SEL1L2: variants seen among roughly 807,000 people sequenced by gnomAD.
SEL1L2 encodes SEL1L2 adaptor subunit of SYVN1 ubiquitin ligase.
Under a neutral mutation model 98.8 loss-of-function variants are expected in SEL1L2, and 89 were observed. The observed-to-expected ratio is 0.90, with a 90% confidence interval of 0.76 to 1.07. The LOEUF (loss-of-function observed/expected upper bound fraction) is 1.07, where lower values mean the gene tolerates loss of function less well. Among genes scored for constraint, SEL1L2 ranks in the 50% least tolerant of loss-of-function variants. The pLI, the probability that SEL1L2 is intolerant of heterozygous loss-of-function variation, is 0.00. For synonymous variants in SEL1L2, 262 were observed against 278.5 expected, an observed-to-expected ratio of 0.94 and a Z score of 0.59; for missense variants, 788 against 812.0, an observed-to-expected ratio of 0.97 and a Z score of 0.36.
At chr20:13,904,280 G>T (rs1177895952) in intron 5 of SEL1L2, among the ~76,000 whole-genome samples, 1 of 152,170 alleles carries the variant, frequency 6.6e-6, no homozygotes, top group Non-Finnish European at 1.5e-5. Flanking sequence ...TGTGATCCCA[G>T]CACTTTGGGA....
intron 3 of SEL1L2, among the ~76,000 whole-genome samples, chr20:13,921,113 C>T (rs1377000363): frequency 2.6e-5 from 4 of 152,050 alleles, no homozygotes; most frequent in Non-Finnish European, 5.9e-5. Context: ...ATGATTTTAC[C>T]ACCACAAATT....
chr20:13,883,220 CAA>C (rs1053161207), intron 10 of SEL1L2, among the ~76,000 whole-genome samples: 1 of 152,140 alleles, frequency 6.6e-6, no homozygotes, highest in Non-Finnish European at 1.5e-5. Context: ...TGCTTACCCG[CAA>C]AGAGTACCTG....
chr20:13,902,379 A>T (rs925280111), intron 5 of SEL1L2, among the ~76,000 whole-genome samples: 1 of 152,216 alleles, frequency 6.6e-6, no homozygotes, highest in Non-Finnish European at 1.5e-5. Context: ...GACTCCCTTG[A>T]TCAGTTTTCA....
chr20:13,898,846 G>C (rs1192007736), intron 5 of SEL1L2, among the ~76,000 whole-genome samples: 5 of 152,158 alleles, frequency 3.3e-5, no homozygotes, highest in Non-Finnish European at 5.9e-5. Context: ...GGGTTCAAGA[G>C]ATTCTCCTGC....
chr20:13,875,110 G>A (rs995147209), intron 12 of SEL1L2, among the ~76,000 whole-genome samples: 1 of 152,132 alleles, frequency 6.6e-6, no homozygotes, highest in African/African-American at 2.4e-5. Context: ...ATTCTGTCTG[G>A]GATGTGCTTC....
chr20:13,854,879 C>T (rs1230047373), intron 18 of SEL1L2, among the ~76,000 whole-genome samples: 1 of 151,906 alleles, frequency 6.6e-6, no homozygotes, highest in African/African-American at 2.4e-5. Flanking sequence ...TGGTGAAACC[C>T]CATCTCTACT....
chr20:13,860,683 C>T (rs890871939), intron 17 of SEL1L2, among the ~76,000 whole-genome samples: 3 of 152,042 alleles, frequency 2.0e-5, no homozygotes, highest in African/African-American at 7.3e-5. Context: ...CTCACCTCTC[C>T]TCCCCGCCTC....
At chr20:13,898,068 T>C (rs2047500467) in intron 5 of SEL1L2, among the ~76,000 whole-genome samples, 1 of 152,122 alleles carries the variant, frequency 6.6e-6, no homozygotes, top group Non-Finnish European at 1.5e-5. Context: ...TGGAAAACAG[T>C]ATGCAGTTTC....
chr20:13,994,034 G>T (rs540989144), upstream of SEL1L2, among the ~76,000 whole-genome samples: 21 of 151,902 alleles, frequency 1.4e-4, no homozygotes, highest in African/African-American at 4.8e-4. Flanking sequence ...AAACAGGCTG[G>T]GCACGGTGGC....
intron 1 of SEL1L2, among the ~76,000 whole-genome samples, chr20:13,957,820 T>C (rs1033436586): frequency 6.6e-6 from 1 of 152,100 alleles, no homozygotes; most frequent in African/African-American, 2.4e-5. Context: ...AAGGCTGCAG[T>C]GAGCAGAAAT....
rs566003528 is a variant in SEL1L2, at chr20:13,893,941, G to A, written c.550-5429C>T. On this transcript the variant is annotated intron_variant, in intron 5 of 19. Transcript: ENST00000284951. The stretch of plus-strand genomic sequence containing the variant: ...ATTCTTGAGCAACAAATGAGTCAAA[G>A]AAGAAATCACAAGGGAAATTAGAAA... Among the ~76,000 whole-genome samples the A allele has an allele frequency of 3.9e-5, 6 of 152,150 alleles. No individual in the cohort carries two copies. The South Asian group carries it at 1.0e-3, about 26-fold the overall frequency.
intron 10 of SEL1L2, among the ~76,000 whole-genome samples, chr20:13,880,640 T>TC (rs1457491706): frequency 3.2e-5 from 4 of 126,878 alleles, no homozygotes; most frequent in Non-Finnish European, 7.0e-5. Flanking sequence ...ATCCATCCAT[T>TC]CATCCATCCT....
At chr20:13,850,342 A>T (rs1344503221) in intron 18 of SEL1L2, 23 bp from the exon 19 acceptor site, 1 of 1,613,480 alleles carries the variant, frequency 6.2e-7, no homozygotes, top group South Asian at 1.1e-5. Flanking sequence ...GAATAGCCCT[A>T]CCCATCAGAT....
intron 4 of SEL1L2, chr20:13,915,018 A>C: frequency 1.0e-6 from 1 of 986,780 alleles, no homozygotes; most frequent in Non-Finnish European, 1.3e-6. Context: ...GGTAAAGACC[A>C]GAAAGCGTTA....
chr20:13,945,632 C>A (rs892730464), intron 2 of SEL1L2, among the ~76,000 whole-genome samples: 1 of 152,026 alleles, frequency 6.6e-6, no homozygotes. Flanking sequence ...TAGACAAGGA[C>A]ACTACCAGGA....
At chr20:13,892,734 G>A (rs1301181795) in intron 5 of SEL1L2, among the ~76,000 whole-genome samples, 2 of 152,184 alleles carry the variant, frequency 1.3e-5, no homozygotes, top group African/African-American at 2.4e-5. Flanking sequence ...AAAAGATATA[G>A]AGTGACTGAA....
chr20:13,874,768 C>T (rs2046360785), intron 12 of SEL1L2, among the ~76,000 whole-genome samples: 1 of 152,142 alleles, frequency 6.6e-6, no homozygotes, highest in South Asian at 2.1e-4. Context: ...TATAAATAGG[C>T]TCCTAAAGCA....
intron 2 of SEL1L2, among the ~76,000 whole-genome samples, chr20:13,946,891 T>C (rs1575104): frequency 0.9 from 137,164 of 152,274 alleles, 61,954 homozygotes; most frequent in East Asian, 1. Flanking sequence ...ACATGCCAGC[T>C]CCCTGCTGCC....
chr20:13,939,042 T>TTTTTTG (rs1569006422), intron 2 of SEL1L2, among the ~76,000 whole-genome samples: 1 of 38,114 alleles, frequency 2.6e-5, no homozygotes, highest in Non-Finnish European at 6.6e-5. Context: ...CTTGTTTTGT[T>TTTTTTG]TTTTTTTTTT....
Sources: gnomAD v4.1 joint callset for allele counts (sites outside exome capture counted in the v4.1 genomes callset) on GRCh38, gnomAD v4.1.1 for gene constraint, MANE v1.5 for transcripts, NCBI Gene and HGNC (gene_info 2026-07-23, HGNC 2026-07-21) for gene names.